Variants in DPP6 observed in about 807,000 individuals in gnomAD.
DPP6 encodes dipeptidyl peptidase like 6.
Under a neutral mutation model 122.6 loss-of-function variants are expected in DPP6, and 69 were observed. The ratio of observed to expected loss-of-function variants is 0.56; its 90% CI spans 0.46 to 0.69. DPP6 has a LOEUF of 0.69. Among genes scored for constraint, DPP6 ranks in the 30% least tolerant of loss-of-function variants. DPP6 has a pLI of 0.00. For missense variants in DPP6, 928 were observed against 1,116.9 expected, an observed-to-expected ratio of 0.83 and a Z score of 2.41; for synonymous variants, 418 against 433.1, an observed-to-expected ratio of 0.97 and a Z score of 0.43.
At chr7:154,585,604 C>T (rs1832388298) in intron 5 of DPP6, among the ~76,000 whole-genome samples, 1 of 152,154 alleles carries the variant, frequency 6.6e-6, no homozygotes, top group African/African-American at 2.4e-5. Flanking sequence ...TGTAGTATTT[C>T]CCTATAACCT....
At chr7:154,236,848 A>T (rs201848076) in intron 1 of DPP6, among the ~76,000 whole-genome samples, 3 of 152,176 alleles carry the variant, frequency 2.0e-5, no homozygotes, top group East Asian at 3.9e-4. Context: ...AATTGGAAAG[A>T]CCAGTAAAAA....
intron 8 of DPP6, among the ~76,000 whole-genome samples, chr7:154,746,965 C>T (rs1273076016): frequency 6.6e-6 from 1 of 152,182 alleles, no homozygotes; most frequent in Non-Finnish European, 1.5e-5. Context: ...TGCTTATTCC[C>T]AGGGCTGAGG....
At chr7:154,659,017 C>G (rs1257975165) in intron 6 of DPP6, among the ~76,000 whole-genome samples, 3 of 152,158 alleles carry the variant, frequency 2.0e-5, no homozygotes, top group African/African-American at 4.8e-5. Context: ...TGAATGACCA[C>G]CAAGTGGCTC....
At position 154,587,570 on chromosome 7, in the gene DPP6, A is replaced by G. The variant is rs1166893845; in HGVS notation, c.627+20654A>G. 3.5e-6 allele frequency: 5 copies of G among 1,446,254 alleles called. 1 individual carries two copies. The highest frequency in any genetic ancestry group is 2.8e-5 in the African/African-American group (2 of 70,370). 89.6% of individuals were successfully genotyped at this position (1,446,254 alleles called of 1,614,324 possible). ...TTTGTTTCTCGATCCCCAACTTCCC[A>G]TGCCCCAAAATAGCATCCTGGGACC... On this transcript the variant is annotated intron_variant, in intron 5 of 25. Coordinates refer to ENST00000377770, the MANE Select transcript of DPP6 (RefSeq NM_130797.4).
At chr7:154,159,170 G>A (rs1177629722) in intron 1 of DPP6, among the ~76,000 whole-genome samples, 7 of 152,038 alleles carry the variant, frequency 4.6e-5, no homozygotes, top group East Asian at 1.9e-4. Context: ...GCCCTTCCCC[G>A]CACCCGGGCC....
chr7:154,520,028 A>AG (rs1165537334), intron 3 of DPP6, among the ~76,000 whole-genome samples: 2 of 152,228 alleles, frequency 1.3e-5, no homozygotes, highest in African/African-American at 4.8e-5. Context: ...AAAGACTGCA[A>AG]GGTAAAGTAA....
chr7:154,012,658 G>C (rs1236163424), intron 1 of DPP6, among the ~76,000 whole-genome samples: 1 of 151,972 alleles, frequency 6.6e-6, no homozygotes, highest in Admixed American at 6.6e-5. Flanking sequence ...GGAGTACCAA[G>C]TATACCTTTT....
chr7:154,354,964 C>G (rs193255552), intron 1 of DPP6, among the ~76,000 whole-genome samples: 12 of 152,312 alleles, frequency 7.9e-5, no homozygotes, highest in Admixed American at 7.2e-4. Context: ...ATACTCCCAT[C>G]AGCAGTGAAC....
chr7:154,174,175 T>A (rs2150733958), intron 1 of DPP6, among the ~76,000 whole-genome samples: 1 of 152,356 alleles, frequency 6.6e-6, no homozygotes, highest in East Asian at 1.9e-4. Context: ...TAATGCCAGC[T>A]CCACCACGCA....
chr7:154,015,080 A>C (rs1364416548), intron 1 of DPP6, among the ~76,000 whole-genome samples: 1 of 152,158 alleles, frequency 6.6e-6, no homozygotes, highest in Non-Finnish European at 1.5e-5. Context: ...GAAGTGCCTG[A>C]ATATTGGTGG....
At chr7:154,440,503 G>C (rs943909247) in intron 1 of DPP6, among the ~76,000 whole-genome samples, 1 of 152,152 alleles carries the variant, frequency 6.6e-6, no homozygotes, top group Non-Finnish European at 1.5e-5. Context: ...AGACTGGCTT[G>C]CGTTTCCACC....
At chr7:154,319,564 G>T (rs904461582) in intron 1 of DPP6, among the ~76,000 whole-genome samples, 1 of 152,038 alleles carries the variant, frequency 6.6e-6, no homozygotes, top group Non-Finnish European at 1.5e-5. Flanking sequence ...GTGTGGTGGC[G>T]GGTGCCTGTA....
intron 7 of DPP6, among the ~76,000 whole-genome samples, chr7:154,697,352 G>A (rs1269941531): frequency 1.3e-5 from 2 of 152,158 alleles, no homozygotes; most frequent in Non-Finnish European, 2.9e-5. Context: ...CCTCCCCTGC[G>A]AGGCTCCTCT....
chr7:154,852,039 C>A (rs1201077874), intron 16 of DPP6, among the ~76,000 whole-genome samples: 1 of 152,174 alleles, frequency 6.6e-6, no homozygotes, highest in East Asian at 1.9e-4. Context: ...TTCCACCTTA[C>A]CTCTCAAGGG....
the DPP6 span, among the ~76,000 whole-genome samples, chr7:153,800,579 C>G: frequency 2.0e-5 from 3 of 152,166 alleles, no homozygotes; most frequent in Admixed American, 1.3e-4. Context: ...TGTAGCGGCA[C>G]CATCTCGGCT....
At chr7:154,576,570 T>TC (rs1831687482) in intron 5 of DPP6, among the ~76,000 whole-genome samples, 2 of 152,034 alleles carry the variant, frequency 1.3e-5, no homozygotes, top group Non-Finnish European at 2.9e-5. Flanking sequence ...ATTTTATTAT[T>TC]CCCCCCAAAT....
intron 3 of DPP6, among the ~76,000 whole-genome samples, chr7:154,502,003 A>C (rs1205027988): frequency 2.0e-5 from 3 of 152,190 alleles, no homozygotes; most frequent in Admixed American, 6.5e-5. Flanking sequence ...CCGAAATGTG[A>C]GACATGGAGT....
Position 154,396,023 on chromosome 7 carries a change from T to A in DPP6, c.244-50191T>A, listed in dbSNP as rs190651093. ...TCTGCATCAATTGAGATTATTACATTGATTGCTTTTTTTAAAGTCCTTATG... is the reference window on the plus strand; with the variant it reads ...TCTGCATCAATTGAGATTATTACATAGATTGCTTTTTTTAAAGTCCTTATG... On this transcript the variant is annotated intron_variant, in intron 1 of 25. Transcript: ENST00000377770. Among the ~76,000 whole-genome samples the A allele has an allele frequency of 1.5e-4, 23 of 152,256 alleles. No homozygotes were observed. The East Asian group carries it at 4.2e-3, about 28-fold the overall frequency.
intron 3 of DPP6, among the ~76,000 whole-genome samples, chr7:154,525,385 T>C (rs1018750520): frequency 2.0e-5 from 3 of 152,206 alleles, no homozygotes; most frequent in African/African-American, 7.2e-5. Context: ...CTCAAACTCC[T>C]GGGCTCAAGC....
Sources: gnomAD v4.1 joint callset for allele counts (sites outside exome capture counted in the v4.1 genomes callset) on GRCh38, gnomAD v4.1.1 for gene constraint, MANE v1.5 for transcripts, NCBI Gene and HGNC (gene_info 2026-07-23, HGNC 2026-07-21) for gene names.